Variants in USH2A observed in about 807,000 individuals in gnomAD.
USH2A encodes the protein Usher syndrome 2A (autosomal recessive, mild).
Under a neutral mutation model 538.9 loss-of-function variants are expected in USH2A, and 443 were observed. The observed-to-expected ratio is 0.82, with a 90% CI of 0.76 to 0.89. The LOEUF (loss-of-function observed/expected upper bound fraction) is 0.89. USH2A is among the 40% of genes least tolerant of loss of function. The pLI is 0.00. For missense variants in USH2A, 6,633 were observed against 6,324.8 expected (o/e 1.05, Z -1.65); for synonymous variants, 2,413 against 2,273.5 (o/e 1.06, Z -1.75).
At chr1:215,848,675 T>C (rs988669952) in intron 44 of USH2A, among the ~76,000 whole-genome samples, 3 of 152,224 alleles carry the variant, frequency 2.0e-5, no homozygotes, top group African/African-American at 7.2e-5. Context: ...GCAGCACTTC[T>C]GGGTAACAAG....
chr1:215,890,415 C>G (rs1665178069), intron 40 of USH2A, among the ~76,000 whole-genome samples: 1 of 152,152 alleles, frequency 6.6e-6, no homozygotes, highest in African/African-American at 2.4e-5. Context: ...AGTACACTTT[C>G]ACACAACAGG....
chr1:216,403,584 C>A (rs1411547823), intron 3 of USH2A, among the ~76,000 whole-genome samples: 1 of 152,072 alleles, frequency 6.6e-6, no homozygotes, highest in Non-Finnish European at 1.5e-5. Flanking sequence ...TTTTGAAATA[C>A]AAGATCACCC....
At chr1:216,283,097 G>A (rs2102597710) in intron 11 of USH2A, among the ~76,000 whole-genome samples, 1 of 152,072 alleles carries the variant, frequency 6.6e-6, no homozygotes, top group Middle Eastern at 3.4e-3. Context: ...TTTTTCTGTT[G>A]TTGTTGTTAG....
chr1:216,039,975 T>C (rs1287142349), intron 32 of USH2A, among the ~76,000 whole-genome samples: 1 of 151,602 alleles, frequency 6.6e-6, no homozygotes, highest in African/African-American at 2.4e-5. Flanking sequence ...CCAGAATTCA[T>C]CCACTTTTCC....
intron 38 of USH2A, 50 bp downstream of exon 38, chr1:215,934,566 T>C: frequency 1.9e-6 from 3 of 1,579,158 alleles, no homozygotes; most frequent in Non-Finnish European, 2.6e-6. Context: ...GGAAACTTAA[T>C]TCTAGGGCAT....
chr1:216,207,219 C>A, intron 16 of USH2A, 54 bp downstream of exon 16: 1 of 1,602,344 alleles, frequency 6.2e-7, no homozygotes, highest in Non-Finnish European at 8.5e-7. Flanking sequence ...AAGAACTTAA[C>A]TAATGTGTCA....
At chr1:216,210,522 A>T (rs1466654023) in intron 15 of USH2A, among the ~76,000 whole-genome samples, 3 of 152,148 alleles carry the variant, frequency 2.0e-5, no homozygotes, top group African/African-American at 7.2e-5. Context: ...TGCTCACAAG[A>T]AGCAGGGACC....
At chr1:215,710,848 T>C (rs550375238) in intron 61 of USH2A, among the ~76,000 whole-genome samples, 26 of 152,064 alleles carry the variant, frequency 1.7e-4, no homozygotes, top group Admixed American at 5.9e-4. Context: ...GCATGTTCTT[T>C]TTGGATCTTT....
chr1:215,772,601 T>A (rs1023279863), intron 55 of USH2A, among the ~76,000 whole-genome samples: 11 of 152,226 alleles, frequency 7.2e-5, no homozygotes, highest in South Asian at 4.1e-4. Context: ...CATAAAAATA[T>A]GATTTGGAAA....
chr1:215,859,941 G>A (rs1664273367), intron 44 of USH2A, among the ~76,000 whole-genome samples: 1 of 152,214 alleles, frequency 6.6e-6, no homozygotes, highest in East Asian at 1.9e-4. Flanking sequence ...GGTGTTTGTT[G>A]CATGGGGCCA....
intron 44 of USH2A, among the ~76,000 whole-genome samples, chr1:215,854,952 G>C (rs1281785737): frequency 1.3e-5 from 2 of 152,198 alleles, no homozygotes; most frequent in African/African-American, 4.8e-5. Flanking sequence ...CAAGCTTCCA[G>C]CTTGCTTATC....
chr1:216,399,350 C>T (rs2039269368), intron 3 of USH2A, among the ~76,000 whole-genome samples: 1 of 152,012 alleles, frequency 6.6e-6, no homozygotes, highest in Admixed American at 6.6e-5. Context: ...CATTCTGTTC[C>T]CACCCCACCC....
intron 32 of USH2A, among the ~76,000 whole-genome samples, chr1:216,020,195 T>C (rs1330325300): frequency 6.6e-6 from 1 of 152,206 alleles, no homozygotes; most frequent in African/African-American, 2.4e-5. Context: ...AATAAAATAA[T>C]ACATCTGTGA....
chr1:216,174,348 G>A, intron 21 of USH2A: 1 of 982,890 alleles, frequency 1.0e-6, no homozygotes, highest in African/African-American at 1.7e-5. Flanking sequence ...GAAAAATGGT[G>A]TACCATAAGT....
intron 14 of USH2A, among the ~76,000 whole-genome samples, chr1:216,220,462 G>C (rs2035434682): frequency 6.7e-6 from 1 of 149,940 alleles, no homozygotes; most frequent in Non-Finnish European, 1.5e-5. Flanking sequence ...CCAGAAAAGG[G>C]GCAACTTAAC....
intron 58 of USH2A, among the ~76,000 whole-genome samples, chr1:215,754,473 C>A (rs1248914095): frequency 6.6e-6 from 1 of 151,612 alleles, no homozygotes; most frequent in African/African-American, 2.4e-5. Flanking sequence ...TTCCCAGCAG[C>A]TTACCTGTCT....
chr1:216,178,117 G>A (rs560159522), intron 20 of USH2A, among the ~76,000 whole-genome samples: 2 of 152,248 alleles, frequency 1.3e-5, no homozygotes, highest in African/African-American at 4.8e-5. Flanking sequence ...CCTTCGGCCA[G>A]CTTTTCAAAA....
At chr1:215,937,569 TG>T (rs1666535998) in intron 37 of USH2A, among the ~76,000 whole-genome samples, 1 of 152,090 alleles carries the variant, frequency 6.6e-6, no homozygotes, top group Non-Finnish European at 1.5e-5. Context: ...AACAATTACA[TG>T]GTCAGCATGG....
At chr1:216,272,959 T>C (rs1031008276) in intron 11 of USH2A, among the ~76,000 whole-genome samples, 2 of 152,080 alleles carry the variant, frequency 1.3e-5, no homozygotes, top group Admixed American at 6.6e-5. Flanking sequence ...ACAGAACTCT[T>C]GGGTCTCTCT....
Sources: allele counts gnomAD v4.1 joint callset (sites outside exome capture counted in the v4.1 genomes callset), GRCh38; gene constraint gnomAD v4.1.1; transcripts MANE v1.5; gene names NCBI Gene and HGNC (gene_info 2026-07-23, HGNC 2026-07-21).